Variants in USP7 observed in about 807,000 individuals in gnomAD.
USP7 encodes the protein ubiquitin specific peptidase 7, also known as ubiquitin C-terminal hydrolase 7.
Under a neutral mutation model 162.9 loss-of-function variants are expected in USP7, and 9 were observed. That is an observed-to-expected ratio of 0.06 (90% CI 0.03 to 0.10). The LOEUF is 0.10. USP7 is among the 10% of genes least tolerant of loss of function. The probability of loss-of-function intolerance (pLI) is 1.00; values close to 1 mark genes in which losing one functional copy is unlikely to be tolerated. For missense variants in USP7, 715 were observed against 1,373.7 expected, an observed-to-expected ratio of 0.52 and a Z score of 7.58; for synonymous variants, 562 against 475.9, an observed-to-expected ratio of 1.18 and a Z score of -2.35.
chr16:8,957,013 G>A (rs1029336104), intron 1 of USP7, among the ~76,000 whole-genome samples: 3 of 152,194 alleles, frequency 2.0e-5, no homozygotes, highest in Admixed American at 2.0e-4. Flanking sequence ...TGTCTCAGGA[G>A]TGTCATCACT....
intron 1 of USP7, among the ~76,000 whole-genome samples, chr16:8,935,232 G>A (rs950665971): frequency 3.6e-5 from 5 of 137,802 alleles, no homozygotes; most frequent in South Asian, 2.2e-4. Context: ...AGACAGTCTC[G>A]TTCTGTCTCC....
At chr16:8,934,474 G>A (rs1436308809) in intron 1 of USP7, among the ~76,000 whole-genome samples, 1 of 152,230 alleles carries the variant, frequency 6.6e-6, no homozygotes, top group Non-Finnish European at 1.5e-5. Context: ...TGGGGTGGGG[G>A]AAATGCGTAA....
chr16:8,952,800 T>C (rs925281803), intron 1 of USP7, among the ~76,000 whole-genome samples: 1 of 151,452 alleles, frequency 6.6e-6, no homozygotes, highest in Non-Finnish European at 1.5e-5. Flanking sequence ...CCCAAACTCA[T>C]CCTGCTATTC....
chr16:8,929,921 C>A (rs868839854), intron 2 of USP7, among the ~76,000 whole-genome samples: 4 of 152,154 alleles, frequency 2.6e-5, no homozygotes, highest in Admixed American at 6.5e-5. Flanking sequence ...AATGAGAATG[C>A]AATGGAAAGC....
Position 8,892,611 on chromosome 16 carries a change from A to T in USP7, c.*1387T>A, listed in dbSNP as rs1327203860. 2 of 26,524 alleles carry T rather than the reference A, an allele frequency of 7.5e-5. No individual in the cohort carries two copies. Among genetic ancestry groups the T allele is most frequent in the African/African-American group, 1.4e-4 (1 of 7,156 alleles). The allele number at this position is 26,524 out of a possible 1,614,324, so 1.6% of individuals were successfully genotyped here. A position where few individuals can be genotyped will look rare whatever the true frequency, so the allele number is the denominator to read the frequency against. ...AAATGTGACTAGTTAGAGGCTAAAA[A>T]AAAAAAAAAAAAAAAAAAGAAACAA... On this transcript the variant is annotated 3_prime_UTR_variant, in exon 31 of 31. Coordinates refer to ENST00000344836, the MANE Select transcript of USP7 (RefSeq NM_003470.3).
chr16:8,943,015 G>C (rs866657203), intron 1 of USP7, among the ~76,000 whole-genome samples: 1 of 152,184 alleles, frequency 6.6e-6, no homozygotes, highest in Non-Finnish European at 1.5e-5. Context: ...CTGGCTTTAA[G>C]GCAGTGGAGC....
chr16:8,960,988 T>C (rs981831634), intron 1 of USP7, among the ~76,000 whole-genome samples: 9 of 152,204 alleles, frequency 5.9e-5, no homozygotes, highest in Non-Finnish European at 1.2e-4. Context: ...ATGAGTTTCT[T>C]AAGTTTAAGG....
At chr16:8,900,035 T>C in intron 21 of USP7, 1 of 507,452 alleles carries the variant, frequency 2.0e-6, no homozygotes, top group Non-Finnish European at 3.5e-6. Context: ...TGCTCTCCTC[T>C]ACAGGAGCAG....
chr16:8,938,354 A>C (rs1420607499), intron 1 of USP7, among the ~76,000 whole-genome samples: 2 of 149,822 alleles, frequency 1.3e-5, no homozygotes, highest in Non-Finnish European at 3.0e-5. Flanking sequence ...AAAAAAAAAG[A>C]AAGAAAGAAA....
rs543567847 is a variant in USP7, at chr16:8,893,707, C to T, written c.*291G>A. 58 of 352,744 alleles carry T rather than the reference C, an allele frequency of 1.6e-4. No individual in the cohort carries two copies. The highest frequency in any genetic ancestry group is 7.1e-4 in the African/African-American group (34 of 47,998). 21.9% of individuals were successfully genotyped at this position (352,744 alleles called of 1,614,324 possible). A position where few individuals can be genotyped will look rare whatever the true frequency, so the allele number is the denominator to read the frequency against. ...CCAGAGACCTTGAGCCAGGGACCCC[C>T]GATCCACTAACCTCTTCTCCCCCAT... On this transcript the variant is annotated 3_prime_UTR_variant, in exon 31 of 31. Transcript: ENST00000344836.
In USP7 at chr16:8,930,266, G is replaced by A. The variant is rs549836030; in HGVS notation, c.184+27C>T. On this transcript the variant is annotated intron_variant, in intron 2 of 30. Coordinates refer to ENST00000344836, the MANE Select transcript of USP7 (RefSeq NM_003470.3). The stretch of plus-strand genomic sequence containing the variant: ...GTTTTCTGACAAGTTTCCGCCCACT[G>A]CGAGGCGGTGAACCACAGGCACTTA... 154 of 1,575,964 alleles carry A rather than the reference G, an allele frequency of 9.8e-5. 2 individuals are homozygous for A. In the South Asian group the frequency reaches 1.7e-3, roughly 17 times the overall value.
chr16:8,924,285 C>T (rs1021905232), intron 2 of USP7, among the ~76,000 whole-genome samples: 2 of 152,258 alleles, frequency 1.3e-5, no homozygotes, highest in South Asian at 2.1e-4. Context: ...CACACCCACA[C>T]CAATCTGTTA....
At chr16:8,934,490 A>G (rs962050144) in intron 1 of USP7, among the ~76,000 whole-genome samples, 4 of 152,214 alleles carry the variant, frequency 2.6e-5, no homozygotes, top group Middle Eastern at 3.4e-3. Flanking sequence ...CGTAAGCTCT[A>G]CCCCCCATTT....
intron 10 of USP7, among the ~76,000 whole-genome samples, chr16:8,912,198 T>G (rs1177885865): frequency 6.6e-6 from 1 of 152,148 alleles, no homozygotes; most frequent in African/African-American, 2.4e-5. Context: ...ACGCCTGTAA[T>G]CCCAGCACTT....
At chr16:8,913,253 G>C (rs893742610) in intron 10 of USP7, among the ~76,000 whole-genome samples, 2 of 152,220 alleles carry the variant, frequency 1.3e-5, no homozygotes, top group African/African-American at 4.8e-5. Context: ...CTACTTGTGA[G>C]CCTAAGGCAG....
At chr16:8,916,777 T>C (rs574867544) in intron 7 of USP7, among the ~76,000 whole-genome samples, 1 of 152,310 alleles carries the variant, frequency 6.6e-6, no homozygotes, top group African/African-American at 2.4e-5. Context: ...GTACAGGTTC[T>C]TGTGTTGAAA....
intron 1 of USP7, among the ~76,000 whole-genome samples, chr16:8,947,354 C>A (rs183146192): frequency 9.9e-5 from 15 of 151,164 alleles, no homozygotes; most frequent in South Asian, 2.1e-4. Context: ...ACTCCCCCCC[C>A]CAACACACAC....
chr16:8,904,350 G>C, intron 15 of USP7, 85 bp downstream of exon 15: 12 of 1,561,058 alleles, frequency 7.7e-6, no homozygotes, highest in Non-Finnish European at 1.0e-5. Context: ...GAGTCCCAGA[G>C]GGGTGGGGGC....
At chr16:8,903,685 C>T (rs749532670) in intron 15 of USP7, among the ~76,000 whole-genome samples, 13 of 151,866 alleles carry the variant, frequency 8.6e-5, no homozygotes, top group African/African-American at 3.1e-4. Context: ...CTGACCAACA[C>T]GGAGAAACCC....
Sources: allele counts gnomAD v4.1 joint callset (sites outside exome capture counted in the v4.1 genomes callset), GRCh38; gene constraint gnomAD v4.1.1; transcripts MANE v1.5; gene names NCBI Gene and HGNC (gene_info 2026-07-23, HGNC 2026-07-21).